The following STXBP5L variants were observed in gnomAD, a reference collection of about 807,000 sequenced individuals.
STXBP5L encodes the protein syntaxin-binding protein 5-like.
Under a neutral mutation model 144.5 loss-of-function variants are expected in STXBP5L, and 65 were observed. The ratio of observed to expected loss-of-function variants is 0.45; its 90% CI spans 0.37 to 0.55. The LOEUF (loss-of-function observed/expected upper bound fraction) is 0.55. STXBP5L is among the 20% of genes least tolerant of loss of function. The pLI is 0.00. For synonymous variants in STXBP5L, 505 were observed against 469.6 expected (o/e 1.08, Z -0.97); for missense variants, 1,298 against 1,405.5 (o/e 0.92, Z 1.22).
chr3:121,012,535 A>T (rs532806387), intron 3 of STXBP5L, among the ~76,000 whole-genome samples: 1 of 151,882 alleles, frequency 6.6e-6, no homozygotes, highest in South Asian at 2.1e-4. Flanking sequence ...GTGGCTGTAG[A>T]GTGGTATTTC....
At chr3:121,302,144 T>C (rs541506773) in intron 19 of STXBP5L, among the ~76,000 whole-genome samples, 2 of 152,362 alleles carry the variant, frequency 1.3e-5, no homozygotes, top group South Asian at 2.1e-4. Flanking sequence ...CTTGTACCTC[T>C]GGTAGAATTC....
intron 14 of STXBP5L, among the ~76,000 whole-genome samples, chr3:121,242,628 T>C (rs2049707477): frequency 6.6e-6 from 1 of 152,068 alleles, no homozygotes; most frequent in South Asian, 2.1e-4. Flanking sequence ...GAAGCCCTAA[T>C]ATATCAATAA....
At chr3:121,050,751 A>G (rs1293966015) in intron 5 of STXBP5L, among the ~76,000 whole-genome samples, 2 of 152,244 alleles carry the variant, frequency 1.3e-5, no homozygotes, top group East Asian at 1.9e-4. Flanking sequence ...CTTTCAATAT[A>G]AATGGACTAA....
In STXBP5L at chr3:121,093,166, C is replaced by T. The variant is rs191356984; in HGVS notation, c.471-21759C>T. Among the ~76,000 whole-genome samples the T allele has an allele frequency of 6.0e-3, 917 of 152,258 alleles. 5 individuals carry two copies. The highest frequency in any genetic ancestry group is 0.014 in the Middle Eastern group (4 of 294). ...AAGCTTTTTAATGTGCTGCTGGATT[C>T]GGTTTGCCAGTATTTTATTGAGGAT... On this transcript the variant is annotated intron_variant, in intron 5 of 26. Coordinates refer to ENST00000471454, the MANE Select transcript of STXBP5L (RefSeq NM_001308330.2).
chr3:121,336,507 C>A lies in STXBP5L; in HGVS notation c.2176+17967C>A, dbSNP rs1350612269. Among the ~76,000 whole-genome samples the A allele has an allele frequency of 3.3e-5, 5 of 151,892 alleles. 1 individual carries two copies. In the South Asian group the frequency reaches 1.0e-3, roughly 32 times the overall value. The stretch of plus-strand genomic sequence containing the variant: ...AAGACCCTGTCTCAAAAAAACCAGC[C>A]AACCAACCAACCAAACAAACAAACA... On this transcript the variant is annotated intron_variant, in intron 20 of 26. Coordinates refer to ENST00000471454, the MANE Select transcript of STXBP5L (RefSeq NM_001308330.2).
At chr3:121,165,388 C>T (rs2108035354) in intron 9 of STXBP5L, among the ~76,000 whole-genome samples, 1 of 152,248 alleles carries the variant, frequency 6.6e-6, no homozygotes, top group Non-Finnish European at 1.5e-5. Flanking sequence ...CAATGTTTGC[C>T]AGGCTACCAT....
intron 3 of STXBP5L, among the ~76,000 whole-genome samples, chr3:121,024,658 A>G (rs1165364912): frequency 6.6e-6 from 1 of 152,152 alleles, no homozygotes; most frequent in Admixed American, 6.5e-5. Context: ...TTCTACCATT[A>G]ATGTCATTTG....
rs1356075377 is a variant in STXBP5L, at chr3:121,014,039, A to G, written c.288-27661A>G. 2.6e-5 allele frequency among the ~76,000 whole-genome samples: 4 copies of G among 152,176 alleles called. No individual in the cohort carries two copies. The South Asian group carries it at 6.2e-4, about 24-fold the overall frequency. On this transcript the variant is annotated intron_variant, in intron 3 of 26. Coordinates refer to ENST00000471454, the MANE Select transcript of STXBP5L (RefSeq NM_001308330.2). ...AGTACCATGCTGTTTTGATTACTGTAGCCTTGCCATATAGTTTGAAGTCAG... is the reference window on the plus strand; with the variant it reads ...AGTACCATGCTGTTTTGATTACTGTGGCCTTGCCATATAGTTTGAAGTCAG...
intron 7 of STXBP5L, among the ~76,000 whole-genome samples, chr3:121,136,096 G>T (rs577350049): frequency 6.6e-6 from 1 of 152,322 alleles, no homozygotes; most frequent in South Asian, 2.1e-4. Flanking sequence ...GCATGCCCTG[G>T]TGCCATTCTC....
intron 5 of STXBP5L, among the ~76,000 whole-genome samples, chr3:121,074,234 T>C (rs1297458412): frequency 6.6e-6 from 1 of 152,178 alleles, no homozygotes; most frequent in African/African-American, 2.4e-5. Context: ...TGCAGAAGAA[T>C]GCATCCTTTA....
intron 18 of STXBP5L, among the ~76,000 whole-genome samples, chr3:121,271,557 A>G (rs1342300501): frequency 1.3e-5 from 2 of 152,222 alleles, no homozygotes. Context: ...AAAGCTAAGA[A>G]AAAACAAACA....
intron 19 of STXBP5L, among the ~76,000 whole-genome samples, chr3:121,292,473 C>G (rs1055034860): frequency 2.6e-5 from 4 of 152,116 alleles, no homozygotes; most frequent in Non-Finnish European, 4.4e-5. Flanking sequence ...CTATGGAAAA[C>G]AGTATGAAGA....
At chr3:121,290,757 C>T (rs987965026) in intron 19 of STXBP5L, among the ~76,000 whole-genome samples, 3 of 152,070 alleles carry the variant, frequency 2.0e-5, no homozygotes, top group Non-Finnish European at 4.4e-5. Flanking sequence ...TTAACATACA[C>T]AAGTCAATAA....
At chr3:121,274,801 A>T (rs1357472404) in intron 18 of STXBP5L, among the ~76,000 whole-genome samples, 1 of 152,172 alleles carries the variant, frequency 6.6e-6, no homozygotes, top group South Asian at 2.1e-4. Context: ...GGGTGATGAG[A>T]CATAGTAATA....
At chr3:121,402,963 G>A (rs1260166663) in intron 22 of STXBP5L, among the ~76,000 whole-genome samples, 1 of 152,090 alleles carries the variant, frequency 6.6e-6, no homozygotes, top group Admixed American at 6.6e-5. Flanking sequence ...CTGAGTAGCT[G>A]GGACTACAGG....
intron 5 of STXBP5L, among the ~76,000 whole-genome samples, chr3:121,051,502 A>G (rs1284210819): frequency 2.6e-5 from 4 of 152,242 alleles, no homozygotes; most frequent in Non-Finnish European, 4.4e-5. Context: ...TACGTGACGA[A>G]AAGAAGACAG....
chr3:120,994,377 A>G (rs1943172944), intron 3 of STXBP5L, among the ~76,000 whole-genome samples: 3 of 152,108 alleles, frequency 2.0e-5, no homozygotes, highest in African/African-American at 7.2e-5. Context: ...TGTCTTAGAA[A>G]AAAGGCTGTC....
chr3:121,060,332 G>T (rs1412654617), intron 5 of STXBP5L, among the ~76,000 whole-genome samples: 2 of 152,076 alleles, frequency 1.3e-5, no homozygotes, highest in Non-Finnish European at 2.9e-5. Context: ...TGACTTGATT[G>T]TGGTGGATAA....
At chr3:121,035,298 A>G (rs149050487) in intron 3 of STXBP5L, among the ~76,000 whole-genome samples, 1 of 152,124 alleles carries the variant, frequency 6.6e-6, no homozygotes, top group East Asian at 1.9e-4. Flanking sequence ...GCCAATGTCC[A>G]GAAGAGTTTT....
Sources: gnomAD v4.1 joint callset for allele counts (sites outside exome capture counted in the v4.1 genomes callset) on GRCh38, gnomAD v4.1.1 for gene constraint, MANE v1.5 for transcripts, NCBI Gene and HGNC (gene_info 2026-07-23, HGNC 2026-07-21) for gene names.